PARD3: variants seen among roughly 807,000 people sequenced by gnomAD.
PARD3 encodes partitioning defective 3 homolog.
Under a neutral mutation model 155.4 loss-of-function variants are expected in PARD3, and 75 were observed. The observed-to-expected ratio is 0.48, with a 90% CI of 0.40 to 0.58. PARD3 has a LOEUF of 0.58. Ranked by LOEUF, PARD3 falls within the 20% of genes least tolerant of loss-of-function variation. PARD3 has a pLI of 0.00. For synonymous variants in PARD3, 576 were observed against 610.5 expected, an observed-to-expected ratio of 0.94 and a Z score of 0.83; for missense variants, 1,642 against 1,721.7, an observed-to-expected ratio of 0.95 and a Z score of 0.82.
intron 14 of PARD3, among the ~76,000 whole-genome samples, chr10:34,352,801 C>T (rs970676476): frequency 2.0e-4 from 31 of 152,194 alleles, no homozygotes; most frequent in Non-Finnish European, 3.4e-4. Flanking sequence ...TCTGCCTGGT[C>T]GCCCATCGTC....
At chr10:34,252,646 A>C (rs961978270) in intron 22 of PARD3, among the ~76,000 whole-genome samples, 1 of 152,164 alleles carries the variant, frequency 6.6e-6, no homozygotes, top group African/African-American at 2.4e-5. Flanking sequence ...GCCTGCATGA[A>C]GCATCATTGT....
intron 2 of PARD3, among the ~76,000 whole-genome samples, chr10:34,557,937 CAAA>C (rs1302011181): frequency 4.1e-4 from 30 of 72,932 alleles, no homozygotes; most frequent in Admixed American, 1.1e-3. Context: ...GACCCTGACT[CAAA>C]AAAAAAAAAA....
chr10:34,287,062 T>C (rs1956431874), intron 20 of PARD3, among the ~76,000 whole-genome samples: 1 of 151,654 alleles, frequency 6.6e-6, no homozygotes, highest in African/African-American at 2.4e-5. Context: ...GACTTGGGGG[T>C]GAAGATATCA....
chr10:34,301,396 CTT>C (rs1445002915), intron 20 of PARD3, among the ~76,000 whole-genome samples: 1 of 152,158 alleles, frequency 6.6e-6, no homozygotes, highest in African/African-American at 2.4e-5. Flanking sequence ...TGACTGCACT[CTT>C]TTGGTTTTCC....
At chr10:34,731,138 T>G (rs966693234) in intron 1 of PARD3, among the ~76,000 whole-genome samples, 4 of 152,202 alleles carry the variant, frequency 2.6e-5, no homozygotes, top group Admixed American at 2.0e-4. Flanking sequence ...CGCTGTTTTC[T>G]CTCACCTTTA....
chr10:34,719,441 A>C (rs988463353), intron 1 of PARD3, among the ~76,000 whole-genome samples: 14 of 152,302 alleles, frequency 9.2e-5, no homozygotes, highest in Middle Eastern at 3.4e-3. Context: ...TAATATTAAT[A>C]GTTACTTAAT....
chr10:34,637,730 T>C (rs2092532876), intron 2 of PARD3, among the ~76,000 whole-genome samples: 1 of 152,186 alleles, frequency 6.6e-6, no homozygotes, highest in South Asian at 2.1e-4. Context: ...TCAGCACCTC[T>C]GCATCAGGCC....
At chr10:34,361,744 G>A (rs974388950) in intron 12 of PARD3, among the ~76,000 whole-genome samples, 2 of 152,080 alleles carry the variant, frequency 1.3e-5, no homozygotes, top group African/African-American at 4.8e-5. Context: ...ACATTTTATG[G>A]TAGGACATCT....
At chr10:34,806,714 T>C (rs901474052) in intron 1 of PARD3, among the ~76,000 whole-genome samples, 1 of 151,848 alleles carries the variant, frequency 6.6e-6, no homozygotes, top group Non-Finnish European at 1.5e-5. Context: ...GTTGGGGGGG[T>C]CGGGGTGAGG....
chr10:34,531,895 C>G (rs941947384), intron 2 of PARD3, among the ~76,000 whole-genome samples: 1 of 152,092 alleles, frequency 6.6e-6, no homozygotes. Flanking sequence ...TTGTGATATG[C>G]AATTTCCTGG....
intron 22 of PARD3, among the ~76,000 whole-genome samples, chr10:34,176,308 A>T (rs1950029899): frequency 1.3e-5 from 2 of 152,198 alleles, no homozygotes; most frequent in Admixed American, 1.3e-4. Flanking sequence ...AGAGGATGCA[A>T]AAGGAGAGAC....
intron 22 of PARD3, among the ~76,000 whole-genome samples, chr10:34,178,344 C>T (rs1011470697): frequency 1.3e-5 from 2 of 152,142 alleles, no homozygotes; most frequent in Admixed American, 1.3e-4. Flanking sequence ...GAATTTAGAT[C>T]AAGACATTCC....
intron 22 of PARD3, among the ~76,000 whole-genome samples, chr10:34,145,217 A>ATTTTTTTTTTTTTTTTTT (rs1387505653): frequency 1.7e-5 from 1 of 57,964 alleles, no homozygotes; most frequent in Admixed American, 1.7e-4. Flanking sequence ...ATATATATAT[A>ATTTTTTTTTTTTTTTTTT]TATATTTTTT....
intron 2 of PARD3, among the ~76,000 whole-genome samples, chr10:34,625,969 GTTC>G (rs1414107479): frequency 3.3e-5 from 5 of 152,158 alleles, no homozygotes; most frequent in African/African-American, 1.2e-4. Flanking sequence ...GTGGGGACAG[GTTC>G]TTAAGTCTAA....
intron 22 of PARD3, among the ~76,000 whole-genome samples, chr10:34,198,753 T>C (rs1265746636): frequency 5.9e-5 from 9 of 152,124 alleles, no homozygotes; most frequent in Admixed American, 5.9e-4. Context: ...AGTCAACCCC[T>C]TAGAAAGGTG....
chr10:34,305,381 C>T (rs1957352175), intron 20 of PARD3, among the ~76,000 whole-genome samples: 1 of 152,238 alleles, frequency 6.6e-6, no homozygotes, highest in African/African-American at 2.4e-5. Flanking sequence ...GTAAGTGGCC[C>T]ATGGCTGGGG....
At chr10:34,230,669 C>T (rs958730396) in intron 22 of PARD3, among the ~76,000 whole-genome samples, 2 of 152,052 alleles carry the variant, frequency 1.3e-5, no homozygotes, top group African/African-American at 2.4e-5. Context: ...CTTTTTCTCT[C>T]TATTCTAAAA....
At chr10:34,700,948 CTGAGCA>C in intron 1 of PARD3, among the ~76,000 whole-genome samples, 1 of 151,988 alleles carries the variant, frequency 6.6e-6, no homozygotes, top group East Asian at 1.9e-4. Flanking sequence ...GCACTCCAGC[CTGAGCA>C]ACAGAGTGAG....
chr10:34,381,036 G>A (rs1267194669), intron 9 of PARD3, among the ~76,000 whole-genome samples: 1 of 152,186 alleles, frequency 6.6e-6, no homozygotes, highest in Non-Finnish European at 1.5e-5. Flanking sequence ...AACGAGGCAA[G>A]CTGTCAACTC....
Sources: gnomAD v4.1 joint callset for allele counts (sites outside exome capture counted in the v4.1 genomes callset) on GRCh38, gnomAD v4.1.1 for gene constraint, MANE v1.5 for transcripts, NCBI Gene and HGNC (gene_info 2026-07-23, HGNC 2026-07-21) for gene names.